The following TMEM68 variants were observed in gnomAD, a reference collection of about 807,000 sequenced individuals.
The protein encoded by TMEM68 is DGAT1/2-independent enzyme synthesizing storage lipids.
TMEM68 carries 25 observed loss-of-function variants against 36.9 expected under a neutral mutation model. The observed-to-expected ratio is 0.68, with a 90% CI of 0.49 to 0.95. The LOEUF (loss-of-function observed/expected upper bound fraction) is 0.95. Among genes scored for constraint, TMEM68 ranks in the 40% least tolerant of loss-of-function variants. TMEM68 has a pLI of 0.00. For synonymous variants in TMEM68, 131 were observed against 124.4 expected, an observed-to-expected ratio of 1.05 and a Z score of -0.35; for missense variants, 333 against 392.0, an observed-to-expected ratio of 0.85 and a Z score of 1.27.
intron 1 of TMEM68, among the ~76,000 whole-genome samples, chr8:55,769,752 C>T (rs1211431772): frequency 6.6e-6 from 1 of 152,142 alleles, no homozygotes; most frequent in African/African-American, 2.4e-5. Context: ...CATACCTCAG[C>T]CTCCCGTGTA....
At chr8:55,744,511 G>A (rs922756646) in intron 6 of TMEM68, among the ~76,000 whole-genome samples, 2 of 151,476 alleles carry the variant, frequency 1.3e-5, no homozygotes, top group Admixed American at 1.3e-4. Flanking sequence ...GTTTCACCAC[G>A]TTAGCCAGGA....
intron 6 of TMEM68, among the ~76,000 whole-genome samples, chr8:55,744,530 A>G (rs1810212770): frequency 6.6e-6 from 1 of 151,752 alleles, no homozygotes; most frequent in Non-Finnish European, 1.5e-5. Flanking sequence ...GATGGTCTCA[A>G]TCTCCTGACC....
At position 55,740,160 on chromosome 8, in the gene TMEM68, A is replaced by G. The variant is rs547381141; in HGVS notation, c.947T>C (p.Met316Thr). Reference protein sequence around the residue: ...DKHQRIPGNIMSALLERFH With the variant: ...DKHQRIPGNITSALLERFH ...ATGAAAACGTTCTAACAAAGCACTC[A>G]TAATGTTTCCTGGTATTCTTTGGTG... Residue 316 changes from methionine to threonine, a missense_variant, in exon 8 of 8, where the codon ATG becomes ACG. Physicochemically the swap from Met to Thr is moderately conservative, Grantham distance 81. Transcript: ENST00000434581. 2 of 1,613,550 alleles carry G rather than the reference A, an allele frequency of 1.2e-6. No homozygotes were observed. Among genetic ancestry groups the G allele is most frequent in the South Asian group, 2.2e-5 (2 of 91,026 alleles).
intron 7 of TMEM68, among the ~76,000 whole-genome samples, chr8:55,741,451 TATA>T (rs1430937961): frequency 6.6e-6 from 1 of 152,110 alleles, no homozygotes; most frequent in Non-Finnish European, 1.5e-5. Flanking sequence ...CTTTGGAAAT[TATA>T]ATATTAGTGA....
At chr8:55,750,572 C>T (rs563065216) in intron 5 of TMEM68, among the ~76,000 whole-genome samples, 1 of 147,402 alleles carries the variant, frequency 6.8e-6, no homozygotes, top group African/African-American at 2.5e-5. Context: ...GACAGTCTCA[C>T]TCTGTCACCC....
chr8:55,768,038 C>A (rs1418633768), intron 1 of TMEM68, among the ~76,000 whole-genome samples: 2 of 151,952 alleles, frequency 1.3e-5, no homozygotes, highest in African/African-American at 4.8e-5. Context: ...GAAGCAGTAT[C>A]CTGGAAGTAA....
At chr8:55,753,473 A>T (rs1009272285) in intron 4 of TMEM68, among the ~76,000 whole-genome samples, 3 of 152,220 alleles carry the variant, frequency 2.0e-5, no homozygotes, top group African/African-American at 7.2e-5. Context: ...AATCTACTAT[A>T]GTGATCATGT....
At position 55,773,344 on chromosome 8, in the gene TMEM68, G is replaced by C. The variant is rs536752402; in HGVS notation, c.-190C>G. 8.8e-6 allele frequency: 3 copies of C among 342,080 alleles called. No individual in the cohort carries two copies. The East Asian group carries it at 1.6e-4, about 18-fold the overall frequency. The allele number at this position is 342,080 out of a possible 1,614,324, so 21.2% of individuals were successfully genotyped here. ...ACAGATTTGCACGGCGGATTCCTCC[G>C]AAGCAACCCGTGTGAAAGAAGCCAA... On this transcript the variant is annotated 5_prime_UTR_variant, in exon 1 of 8. Transcript: ENST00000434581.
chr8:55,762,797 T>C lies in TMEM68; in HGVS notation c.163A>G (p.Ile55Val). 2 of 1,614,132 alleles carry C rather than the reference T, an allele frequency of 1.2e-6. No homozygotes were observed. Among genetic ancestry groups the C allele is most frequent in the Non-Finnish European group, 1.7e-6 (2 of 1,180,008 alleles). Residue 55 changes from isoleucine to valine, a missense_variant, in exon 3 of 8, where the codon ATA becomes GTA. Physicochemically the swap from Ile to Val is conservative, Grantham distance 29. Transcript: ENST00000434581. ...AGAAAGATAGTAAAGTAAGGAAGTA[T>C]TAAAAGTATTAGTGGTGTAAAAACC... ...LWVFTPLILL[I>V]LPYFTIFLLY...
intron 3 of TMEM68, among the ~76,000 whole-genome samples, chr8:55,759,591 T>A (rs947332296): frequency 2.0e-4 from 30 of 151,606 alleles, no homozygotes; most frequent in African/African-American, 6.3e-4. Context: ...TAAATAAATA[T>A]AAATAAAACT....
chr8:55,745,924 T>TA lies in TMEM68; in HGVS notation c.688-804dup, dbSNP rs1383764145. 3.3e-5 allele frequency: 5 copies of TA among 152,172 alleles called. No individual in the cohort carries two copies. The South Asian group carries it at 8.3e-4, about 25-fold the overall frequency. 9.4% of individuals were successfully genotyped at this position (152,172 alleles called of 1,614,324 possible). ...TGGCAAGATGCTGTCGTGGAATTGG[T>TA]AAAATTTTTTGTGAGTCTATTAAAT... On this transcript the variant is annotated intron_variant, in intron 5 of 7. Coordinates refer to ENST00000434581, the MANE Select transcript of TMEM68 (RefSeq NM_001286657.2).
Position 55,743,530 on chromosome 8 carries a change from T to C in TMEM68, c.839A>G (p.Asp280Gly). ...FPVKLRTYLG[D>G]PIPYDPQITA... The stretch of plus-strand genomic sequence containing the variant: ...TATCTGTGGGTCATACGGAATGGGG[T>C]CGCCTAAATAGGTCCGTAACTTCAC... Residue 280 changes from aspartate to glycine, a missense_variant, in exon 7 of 8, where the codon GAC becomes GGC. By Grantham distance (94) the Asp-to-Gly change is moderately conservative (BLOSUM62 -1). Coordinates refer to ENST00000434581, the MANE Select transcript of TMEM68 (RefSeq NM_001286657.2). 2 of 1,535,902 alleles carry C rather than the reference T, an allele frequency of 1.3e-6. No individual in the cohort carries two copies. The highest frequency in any genetic ancestry group is 2.4e-5 in the South Asian group (2 of 84,038).
intron 4 of TMEM68, among the ~76,000 whole-genome samples, chr8:55,754,977 A>G (rs1162056741): frequency 7.7e-6 from 1 of 130,570 alleles, no homozygotes. Context: ...ACACACACAC[A>G]TAGCCTTTAT....
At position 55,756,275 on chromosome 8, in the gene TMEM68, T is replaced by C. The variant is rs1002000044; in HGVS notation, c.462A>G (p.Val154=). 1 of 1,604,134 alleles carries C rather than the reference T, an allele frequency of 6.2e-7. No homozygotes were observed. Among genetic ancestry groups the C allele is most frequent in the Admixed American group, 1.7e-5 (1 of 57,182 alleles). The part of the protein sequence containing the change: ...IFIHKGRTCR[V]VADHFVFKIP... Reference sequence around the variant, plus strand: ...TTTTAAAGACAAAGTGATCAGCTACTACTCGGCAAGTTCTGCCTTTGTGTA... The same window carrying C: ...TTTTAAAGACAAAGTGATCAGCTACCACTCGGCAAGTTCTGCCTTTGTGTA... Residue 154 remains valine (V), a synonymous_variant, in exon 4 of 8, where the codon GTA becomes GTG. Transcript: ENST00000434581.
chr8:55,743,435 G>A (rs1810165404), intron 7 of TMEM68, 46 bp downstream of exon 7: 2 of 1,494,212 alleles, frequency 1.3e-6, no homozygotes, highest in East Asian at 2.5e-5. Flanking sequence ...TATAATAATT[G>A]AAAATAAAAA....
chr8:55,765,156 G>A (rs1810925091), intron 1 of TMEM68, among the ~76,000 whole-genome samples: 1 of 152,146 alleles, frequency 6.6e-6, no homozygotes, highest in Admixed American at 6.5e-5. Flanking sequence ...CCATCCATCA[G>A]AACTACTAAA....
At chr8:55,764,890 T>A (rs1810915790) in intron 1 of TMEM68, among the ~76,000 whole-genome samples, 1 of 152,072 alleles carries the variant, frequency 6.6e-6, no homozygotes, top group African/African-American at 2.4e-5. Context: ...CTGACCAACA[T>A]GGTGAAACTC....
At chr8:55,751,200 T>C (rs1412501861) in intron 4 of TMEM68, 43 bp from the exon 5 acceptor site, 2 of 1,513,118 alleles carry the variant, frequency 1.3e-6, no homozygotes, top group South Asian at 1.3e-5. Flanking sequence ...AAGTATTTCT[T>C]GTTTAATTCT....
intron 3 of TMEM68, among the ~76,000 whole-genome samples, chr8:55,759,257 CAAAAA>C (rs66513921): frequency 7.4e-5 from 9 of 121,924 alleles, no homozygotes; most frequent in South Asian, 2.7e-4. Context: ...CCTGTCTCTA[CAAAAA>C]AAAAAAAAAA....
Sources: allele counts gnomAD v4.1 joint callset (sites outside exome capture counted in the v4.1 genomes callset), GRCh38; gene constraint gnomAD v4.1.1; transcripts MANE v1.5; gene names NCBI Gene and HGNC (gene_info 2026-07-23, HGNC 2026-07-21).